The following SNX29 variants were observed in gnomAD, a reference collection of about 807,000 sequenced individuals.
SNX29 encodes sorting nexin-29.
A neutral mutation model predicts 102.1 loss-of-function variants in SNX29; 78 were observed. That is an observed-to-expected ratio of 0.76 (90% CI 0.64 to 0.92). The LOEUF (loss-of-function observed/expected upper bound fraction) is 0.92, where lower values mean the gene tolerates loss of function less well. Among genes scored for constraint, SNX29 ranks in the 40% least tolerant of loss-of-function variants. SNX29 has a pLI of 0.00. For synonymous variants in SNX29, 580 were observed against 414.5 expected (o/e 1.40, Z -4.85); for missense variants, 1,280 against 1,061.7 (o/e 1.21, Z -2.86).
At chr16:12,521,398 G>A (rs1249327327) in intron 19 of SNX29, among the ~76,000 whole-genome samples, 2 of 151,938 alleles carry the variant, frequency 1.3e-5, no homozygotes, top group South Asian at 2.1e-4. Context: ...GGGGCCTCTG[G>A]GACCTGGGTG....
At chr16:12,544,873 C>T (rs770305288) in intron 20 of SNX29, among the ~76,000 whole-genome samples, 8 of 152,328 alleles carry the variant, frequency 5.3e-5, no homozygotes, top group South Asian at 4.1e-4. Flanking sequence ...GTCAACACAG[C>T]CCCTGGCCTG....
intron 13 of SNX29, among the ~76,000 whole-genome samples, chr16:12,186,456 G>A (rs2076512268): frequency 6.6e-6 from 1 of 152,174 alleles, no homozygotes; most frequent in Non-Finnish European, 1.5e-5. Flanking sequence ...TACTCAAGCA[G>A]ATAATTTTCT....
chr16:12,329,204 G>C (rs1286044711), intron 15 of SNX29, among the ~76,000 whole-genome samples: 2 of 139,210 alleles, frequency 1.4e-5, no homozygotes, highest in Admixed American at 1.6e-4. Flanking sequence ...TTGAGCCCAG[G>C]AGTTCAAGGC....
intron 4 of SNX29, among the ~76,000 whole-genome samples, chr16:12,028,359 T>C (rs569002844): frequency 2.6e-5 from 4 of 152,182 alleles, no homozygotes; most frequent in Non-Finnish European, 5.9e-5. Flanking sequence ...GATCTTTTTA[T>C]TTATTTACTT....
chr16:12,277,667 T>G (rs2079297139), intron 14 of SNX29, among the ~76,000 whole-genome samples: 1 of 152,124 alleles, frequency 6.6e-6, no homozygotes, highest in South Asian at 2.1e-4. Flanking sequence ...CTCGACCTCC[T>G]GGGCTCAAGC....
intron 13 of SNX29, among the ~76,000 whole-genome samples, chr16:12,197,801 A>AC (rs2076815582): frequency 6.6e-6 from 1 of 151,600 alleles, no homozygotes; most frequent in African/African-American, 2.4e-5. Context: ...TTGGAGATGA[A>AC]CGTCGAGTTC....
Position 12,571,553 on chromosome 16 carries a change from C to T in SNX29, c.*2924C>T. On this transcript the variant is annotated 3_prime_UTR_variant, in exon 21 of 21. Coordinates refer to ENST00000566228, the MANE Select transcript of SNX29 (RefSeq NM_032167.5). The stretch of plus-strand genomic sequence containing the variant: ...ACCACCCTTTGCTGGGAGGAAGAAT[C>T]CACACCGAATCCTTCTGTCTTCATG... 2.0e-6 allele frequency: 2 copies of T among 975,676 alleles called. No homozygotes were observed. The highest frequency in any genetic ancestry group is 2.5e-6 in the Non-Finnish European group (2 of 798,192). The allele number at this position is 975,676 out of a possible 1,614,324, so 60.4% of individuals were successfully genotyped here.
At chr16:12,158,284 C>G (rs2055639238) in intron 13 of SNX29, among the ~76,000 whole-genome samples, 1 of 152,100 alleles carries the variant, frequency 6.6e-6, no homozygotes, top group Non-Finnish European at 1.5e-5. Context: ...ACTGCAATCT[C>G]CGCCTCCAGG....
chr16:11,978,333 G>A (rs947021150), intron 1 of SNX29, among the ~76,000 whole-genome samples: 1 of 152,188 alleles, frequency 6.6e-6, no homozygotes, highest in Non-Finnish European at 1.5e-5. Flanking sequence ...AGGCCCTGAG[G>A]CCAGACATCC....
intron 13 of SNX29, among the ~76,000 whole-genome samples, chr16:12,133,979 A>C (rs2054567048): frequency 6.6e-6 from 1 of 152,218 alleles, no homozygotes; most frequent in African/African-American, 2.4e-5. Flanking sequence ...TCCTAGAACA[A>C]GGTCATGTAA....
At chr16:12,533,505 C>T (rs1056254145) in intron 20 of SNX29, among the ~76,000 whole-genome samples, 6 of 152,222 alleles carry the variant, frequency 3.9e-5, no homozygotes, top group East Asian at 1.9e-4. Flanking sequence ...CTTGTCACAT[C>T]AGAGAGCAGC....
chr16:12,564,504 A>G (rs556412942), intron 20 of SNX29, among the ~76,000 whole-genome samples: 3 of 152,352 alleles, frequency 2.0e-5, no homozygotes, highest in African/African-American at 4.8e-5. Flanking sequence ...TCTTAACAGA[A>G]GGAACTCAAG....
Position 12,345,615 on chromosome 16 carries a change from A to C in SNX29, c.1783-10548A>C, listed in dbSNP as rs77281564. On this transcript the variant is annotated intron_variant, in intron 15 of 20. Coordinates refer to ENST00000566228, the MANE Select transcript of SNX29 (RefSeq NM_032167.5). ...AACAGTAACTGTTGTTGCCACTACT[A>C]CTGGGGGATGATCTGTGGAGGAGGT... 6.6e-5 allele frequency among the ~76,000 whole-genome samples: 10 copies of C among 152,328 alleles called. No homozygotes were observed. In the East Asian group the frequency reaches 1.3e-3, roughly 21 times the overall value.
chr16:12,062,481 G>A (rs889338446), intron 9 of SNX29, among the ~76,000 whole-genome samples: 4 of 152,122 alleles, frequency 2.6e-5, no homozygotes, highest in Admixed American at 1.3e-4. Flanking sequence ...ACGTGCCCGT[G>A]TGGTTTGTTA....
chr16:12,123,961 C>A (rs955818859), intron 11 of SNX29, among the ~76,000 whole-genome samples: 3 of 152,162 alleles, frequency 2.0e-5, no homozygotes, highest in Non-Finnish European at 4.4e-5. Context: ...TACCAGCAAC[C>A]TTTTCCAGTG....
intron 14 of SNX29, among the ~76,000 whole-genome samples, chr16:12,276,960 G>C (rs975512306): frequency 4.6e-5 from 7 of 152,164 alleles, no homozygotes; most frequent in Admixed American, 3.3e-4. Flanking sequence ...GTCATCCTAA[G>C]TATGGTTTAT....
chr16:12,287,776 A>G (rs529289739), intron 15 of SNX29, among the ~76,000 whole-genome samples: 31 of 152,302 alleles, frequency 2.0e-4, no homozygotes, highest in African/African-American at 7.2e-4. Flanking sequence ...GGATCTCTTC[A>G]GTGTCTTTTA....
At chr16:12,240,004 T>C (rs562338761) in intron 14 of SNX29, among the ~76,000 whole-genome samples, 2 of 152,246 alleles carry the variant, frequency 1.3e-5, no homozygotes, top group African/African-American at 4.8e-5. Flanking sequence ...AAAACACATT[T>C]AGATCATTCT....
At chr16:12,044,380 T>A (rs1329677622) in intron 5 of SNX29, among the ~76,000 whole-genome samples, 1 of 152,188 alleles carries the variant, frequency 6.6e-6, no homozygotes, top group East Asian at 1.9e-4. Flanking sequence ...AAAAATACTC[T>A]TAAAGTTCTC....
Sources: allele counts gnomAD v4.1 joint callset (sites outside exome capture counted in the v4.1 genomes callset), GRCh38; gene constraint gnomAD v4.1.1; transcripts MANE v1.5; gene names NCBI Gene and HGNC (gene_info 2026-07-23, HGNC 2026-07-21).